Variants in KCNH5 observed in about 807,000 individuals in gnomAD.
KCNH5 encodes the protein potassium voltage-gated channel subfamily H member 5, also known as voltage-gated delayed rectifier potassium channel KCNH5.
In KCNH5, 46 loss-of-function variants were observed where a neutral mutation model predicts 96.1. The observed-to-expected ratio is 0.48, with a 90% CI of 0.38 to 0.61. The LOEUF is 0.61. Among genes scored for constraint, KCNH5 ranks in the 20% least tolerant of loss-of-function variants. The probability of loss-of-function intolerance (pLI) is 0.00; values close to 1 mark genes in which losing one functional copy is unlikely to be tolerated. For synonymous variants in KCNH5, 439 were observed against 449.8 expected (o/e 0.98, Z 0.30); for missense variants, 907 against 1,225.8 (o/e 0.74, Z 3.88).
At chr14:62,913,444 T>C (rs1280636067) in intron 7 of KCNH5, among the ~76,000 whole-genome samples, 3 of 149,168 alleles carry the variant, frequency 2.0e-5, no homozygotes, top group African/African-American at 7.8e-5. Context: ...TCCAGGCTGG[T>C]CTCAAACTCC....
At chr14:62,976,215 A>G (rs1230450343) in intron 6 of KCNH5, among the ~76,000 whole-genome samples, 1 of 152,034 alleles carries the variant, frequency 6.6e-6, no homozygotes, top group Non-Finnish European at 1.5e-5. Flanking sequence ...CCTGGCTAAC[A>G]TGGTGAAACC....
chr14:62,877,346 G>T (rs1888395958), intron 7 of KCNH5, among the ~76,000 whole-genome samples: 1 of 151,632 alleles, frequency 6.6e-6, no homozygotes, highest in Non-Finnish European at 1.5e-5. Flanking sequence ...TGACAAATGG[G>T]ATCTAATTAA....
chr14:62,818,108 G>GGGGGGGGGGGGGGGAAGAA (rs1887032824), intron 8 of KCNH5, among the ~76,000 whole-genome samples: 1 of 91,924 alleles, frequency 1.1e-5, no homozygotes, highest in Non-Finnish European at 2.1e-5. Flanking sequence ...GGAGCTGGGG[G>GGGGGGGGGGGGGGGAAGAA]CGGGGGGGGG....
At chr14:62,749,675 C>T (rs1284203535) in intron 10 of KCNH5, among the ~76,000 whole-genome samples, 3 of 152,170 alleles carry the variant, frequency 2.0e-5, no homozygotes, top group African/African-American at 7.2e-5. Flanking sequence ...TCCATTATTT[C>T]AAAAGGGCTG....
intron 7 of KCNH5, among the ~76,000 whole-genome samples, chr14:62,870,784 T>TA (rs546037823): frequency 6.6e-6 from 1 of 151,954 alleles, no homozygotes; most frequent in Non-Finnish European, 1.5e-5. Flanking sequence ...CACTTAACCT[T>TA]AAAAAAAACT....
At chr14:62,993,309 T>C (rs1322148411) in intron 4 of KCNH5, among the ~76,000 whole-genome samples, 1 of 152,094 alleles carries the variant, frequency 6.6e-6, no homozygotes, top group Admixed American at 6.6e-5. Context: ...GTTTTTTTAG[T>C]TCCATATGAA....
intron 6 of KCNH5, among the ~76,000 whole-genome samples, chr14:62,962,114 G>A (rs576634138): frequency 6.6e-6 from 1 of 151,802 alleles, no homozygotes; most frequent in Admixed American, 6.6e-5. Context: ...ATGGATACAG[G>A]GACAGGGATG....
At chr14:62,947,815 T>C (rs1889919583) in intron 7 of KCNH5, among the ~76,000 whole-genome samples, 1 of 151,782 alleles carries the variant, frequency 6.6e-6, no homozygotes, top group Admixed American at 6.6e-5. Flanking sequence ...CTTTTTTATT[T>C]ATTTATTTAT....
intron 1 of KCNH5, among the ~76,000 whole-genome samples, chr14:63,025,099 T>C (rs1891500861): frequency 6.6e-6 from 1 of 152,134 alleles, no homozygotes; most frequent in African/African-American, 2.4e-5. Flanking sequence ...TCAATAAATA[T>C]GATAGACCAC....
intron 10 of KCNH5, among the ~76,000 whole-genome samples, chr14:62,723,423 T>C (rs1249913432): frequency 6.6e-6 from 1 of 152,236 alleles, no homozygotes; most frequent in Non-Finnish European, 1.5e-5. Flanking sequence ...AATTTCAATT[T>C]TTCACAGCTA....
At chr14:62,846,250 G>A (rs184026043) in intron 8 of KCNH5, among the ~76,000 whole-genome samples, 6 of 152,002 alleles carry the variant, frequency 3.9e-5, no homozygotes, top group Middle Eastern at 6.9e-3. Flanking sequence ...TCCTCAGATC[G>A]TTTTTCTCCC....
intron 8 of KCNH5, among the ~76,000 whole-genome samples, chr14:62,821,558 G>A (rs1429371859): frequency 4.6e-5 from 7 of 152,012 alleles, no homozygotes; most frequent in East Asian, 1.9e-4. Context: ...ATTTAAAGGG[G>A]CTTTAGGGCA....
intron 6 of KCNH5, among the ~76,000 whole-genome samples, chr14:62,953,239 C>A (rs1251762985): frequency 6.6e-6 from 1 of 151,918 alleles, no homozygotes; most frequent in Admixed American, 6.6e-5. Context: ...TTCTATGGCA[C>A]TACTTCCTCT....
intron 10 of KCNH5, among the ~76,000 whole-genome samples, chr14:62,731,260 C>T (rs1366815584): frequency 1.3e-5 from 2 of 151,720 alleles, no homozygotes; most frequent in East Asian, 3.9e-4. Flanking sequence ...AAGATCGCGC[C>T]ACTGCACTCC....
intron 10 of KCNH5, among the ~76,000 whole-genome samples, chr14:62,753,333 C>T (rs7161467): frequency 0.28 from 41,880 of 151,808 alleles, 6,532 homozygotes; most frequent in South Asian, 0.53. Flanking sequence ...AAGAAGAAAA[C>T]ATGACTAAAG....
chr14:62,847,209 G>T (rs886192895), intron 8 of KCNH5, among the ~76,000 whole-genome samples: 1 of 149,428 alleles, frequency 6.7e-6, no homozygotes, highest in East Asian at 1.9e-4. Flanking sequence ...TGCCTAACAG[G>T]CATAGGAGTC....
At chr14:62,902,557 C>T (rs1175151961) in intron 7 of KCNH5, among the ~76,000 whole-genome samples, 1 of 152,078 alleles carries the variant, frequency 6.6e-6, no homozygotes, top group Non-Finnish European at 1.5e-5. Flanking sequence ...GAGTCTAATA[C>T]AGGCAATATA....
intron 6 of KCNH5, among the ~76,000 whole-genome samples, chr14:62,957,486 A>C (rs982806635): frequency 2.6e-5 from 4 of 152,182 alleles, no homozygotes; most frequent in African/African-American, 7.2e-5. Flanking sequence ...TTGTTTCAAA[A>C]ACATAGCTGT....
intron 7 of KCNH5, among the ~76,000 whole-genome samples, chr14:62,865,783 C>G (rs928341995): frequency 3.9e-5 from 6 of 152,092 alleles, no homozygotes; most frequent in African/African-American, 1.4e-4. Context: ...TGTGTATTTC[C>G]TAGAGCTACC....
Sources: gnomAD v4.1 joint callset for allele counts (sites outside exome capture counted in the v4.1 genomes callset) on GRCh38, gnomAD v4.1.1 for gene constraint, MANE v1.5 for transcripts, NCBI Gene and HGNC (gene_info 2026-07-23, HGNC 2026-07-21) for gene names.